FAM83G: variants seen among roughly 807,000 people sequenced by gnomAD.
FAM83G encodes scaffolding CK1 anchoring protein G.
A neutral mutation model predicts 61.5 loss-of-function variants in FAM83G; 38 were observed. The ratio of observed to expected loss-of-function variants is 0.62; its 90% CI spans 0.48 to 0.81. The LOEUF (loss-of-function observed/expected upper bound fraction) is 0.81. Among genes scored for constraint, FAM83G ranks in the 30% least tolerant of loss-of-function variants. The pLI is 0.00. For missense variants in FAM83G, 989 were observed against 1,133.6 expected, an observed-to-expected ratio of 0.87 and a Z score of 1.83; for synonymous variants, 470 against 476.1, an observed-to-expected ratio of 0.99 and a Z score of 0.17.
rs3751969 is a variant in FAM83G, at chr17:18,970,592, A to G, written c.*767T>C. The G allele has an allele frequency of 0.085, 19,009 of 222,588 alleles. 1,271 individuals are homozygous for G. Among genetic ancestry groups the G allele is most frequent in the South Asian group, 0.27 (3,732 of 14,074 alleles). 13.8% of individuals were successfully genotyped at this position (222,588 alleles called of 1,614,324 possible). A position where few individuals can be genotyped will look rare whatever the true frequency, so the allele number is the denominator to read the frequency against. ...CAGCTCTGCTAAAATCACACCCTTC[A>G]GGTGATCAGGATGAACACTTTAGAA... is the stretch of plus-strand genomic sequence containing the variant. On this transcript the variant is annotated 3_prime_UTR_variant, in exon 6 of 6. Coordinates refer to ENST00000388995, the MANE Select transcript of FAM83G (RefSeq NM_001039999.3).
rs754528010 is a variant in FAM83G, at chr17:18,969,125, C to T, written c.*2234G>A. 2.0e-5 allele frequency: 32 copies of T among 1,613,998 alleles called. No homozygotes were observed. Among genetic ancestry groups the T allele is most frequent in the Middle Eastern group, 3.3e-4 (2 of 6,084 alleles). ...AACTTCTACCTCTCCACCATCCTCACGCTCGGCATCACAGCCCTGTACACC... is the reference window on the plus strand; with the variant it reads ...AACTTCTACCTCTCCACCATCCTCATGCTCGGCATCACAGCCCTGTACACC... On this transcript the variant is annotated 3_prime_UTR_variant, in exon 6 of 6. Transcript: ENST00000388995.
In FAM83G at chr17:18,971,359, C is replaced by T. The variant is rs2042841575; in HGVS notation, c.2472G>A (p.Ter824=). 6.4e-7 allele frequency: 1 copy of T among 1,571,342 alleles called. No homozygotes were observed. Among genetic ancestry groups the T allele is most frequent in the South Asian group, 1.1e-5 (1 of 89,168 alleles). The change falls in exon 6 of 6, where the codon TAG becomes TAA. Residue 824 remains the stop codon, a stop_retained_variant. Transcript: ENST00000388995. The surrounding 1 kb of genome is among the most constrained non-coding windows in gnomAD (Gnocchi z 5.5). The stretch of plus-strand genomic sequence containing the variant: ...TGTGGCTCCAGGCTGGGACATGCTG[C>T]TAGGGGTCTTTGCGGTCCCGGGGGG... ...AQAPRDRKDP[*]
intron 3 of FAM83G, among the ~76,000 whole-genome samples, chr17:18,981,704 T>G (rs1021802252): frequency 3.3e-5 from 5 of 152,044 alleles, no homozygotes; most frequent in Non-Finnish European, 7.4e-5. Flanking sequence ...GGATAAACCA[T>G]AGCCTTTTCA....
At chr17:18,992,440 C>T (rs1393993104) in intron 2 of FAM83G, among the ~76,000 whole-genome samples, 8 of 152,234 alleles carry the variant, frequency 5.3e-5, no homozygotes, top group African/African-American at 1.9e-4. Flanking sequence ...GTGACAGCAT[C>T]TCACACAAAG....
intron 3 of FAM83G, chr17:18,986,043 A>G (rs973623998): frequency 3.9e-5 from 6 of 152,248 alleles, no homozygotes; most frequent in African/African-American, 9.7e-5. Context: ...GCCATGGGGC[A>G]CTCGAGGCCC....
At chr17:18,973,188 C>T (rs528041247) in intron 5 of FAM83G, among the ~76,000 whole-genome samples, 3 of 152,226 alleles carry the variant, frequency 2.0e-5, no homozygotes, top group Non-Finnish European at 2.9e-5. Flanking sequence ...CCTTTACACC[C>T]GCCACCTCCC....
At chr17:18,984,079 A>C (rs902764099) in intron 3 of FAM83G, among the ~76,000 whole-genome samples, 2 of 152,126 alleles carry the variant, frequency 1.3e-5, no homozygotes, top group East Asian at 1.9e-4. Context: ...GCGGTGGCTC[A>C]CGCCTGTAAT....
At chr17:18,985,162 C>G (rs886879413) in intron 3 of FAM83G, among the ~76,000 whole-genome samples, 4 of 152,246 alleles carry the variant, frequency 2.6e-5, no homozygotes, top group African/African-American at 4.8e-5. Flanking sequence ...GGGGCTGTGC[C>G]TGTCCCTAGC....
At position 18,969,481 on chromosome 17, in the gene FAM83G, T is replaced by C. The variant is rs1311028536; in HGVS notation, c.*1878A>G. On this transcript the variant is annotated 3_prime_UTR_variant, in exon 6 of 6. Transcript: ENST00000388995. Reference sequence around the variant, plus strand: ...TCCCCACAGCGAGCCCTTTGGAGTCTGGCACTGCCCGGCACTGTGCAGGAT... The same window carrying C: ...TCCCCACAGCGAGCCCTTTGGAGTCCGGCACTGCCCGGCACTGTGCAGGAT... 1 of 1,495,828 alleles carries C rather than the reference T, an allele frequency of 6.7e-7. No homozygotes were observed. Among genetic ancestry groups the C allele is most frequent in the African/African-American group, 1.4e-5 (1 of 72,186 alleles). 92.7% of individuals were successfully genotyped at this position (1,495,828 alleles called of 1,614,324 possible).
At position 18,968,956 on chromosome 17, in the gene FAM83G, C is replaced by T. The variant is rs910844814; in HGVS notation, c.*2403G>A. On this transcript the variant is annotated 3_prime_UTR_variant, in exon 6 of 6. Coordinates refer to ENST00000388995, the MANE Select transcript of FAM83G (RefSeq NM_001039999.3). The surrounding 1 kb of genome is among the most constrained non-coding windows in gnomAD (Gnocchi z 4.1). Reference sequence around the variant, plus strand: ...TCTCCCCTCCTTATCCACAGGCCACCGAGGCCCAGAGAGGGCCTTGCCCGA... The same window carrying T: ...TCTCCCCTCCTTATCCACAGGCCACTGAGGCCCAGAGAGGGCCTTGCCCGA... The T allele has an allele frequency of 3.0e-5, 36 of 1,205,708 alleles. No individual in the cohort carries two copies. The highest frequency in any genetic ancestry group is 2.1e-4 in the Middle Eastern group (1 of 4,660). 74.7% of individuals were successfully genotyped at this position (1,205,708 alleles called of 1,614,324 possible).
At position 18,969,589 on chromosome 17, in the gene FAM83G, T is replaced by G; in HGVS notation, c.*1770A>C. On this transcript the variant is annotated 3_prime_UTR_variant, in exon 6 of 6. Coordinates refer to ENST00000388995, the MANE Select transcript of FAM83G (RefSeq NM_001039999.3). ...GCCACTAGGCAGTCAGCCCCCCTGCTGGCCCCTCAGGGACTGCCCTGGCTG... is the reference window on the plus strand; with the variant it reads ...GCCACTAGGCAGTCAGCCCCCCTGCGGGCCCCTCAGGGACTGCCCTGGCTG... 3.3e-6 allele frequency: 2 copies of G among 611,984 alleles called. No individual in the cohort carries two copies. The highest frequency in any genetic ancestry group is 2.3e-5 in the South Asian group (1 of 44,330). 37.9% of individuals were successfully genotyped at this position (611,984 alleles called of 1,614,324 possible).
At chr17:18,991,912 CCAGGGTGTGGGAGGATGGCCCAAGATGG>C (rs1165544034) in intron 2 of FAM83G, among the ~76,000 whole-genome samples, 4 of 152,124 alleles carry the variant, frequency 2.6e-5, no homozygotes, top group Non-Finnish European at 5.9e-5. Flanking sequence ...CTGACTCCTG[CCAGGGTGTGGGAGGATGGCCCAAGATGG>C]CAGGGTGTGG....
Position 18,978,566 on chromosome 17 carries a change from T to G in FAM83G, c.1100A>C (p.Lys367Thr), listed in dbSNP as rs1597850347. Residue 367 changes from lysine (K) to threonine (T), a missense_variant, in exon 5 of 6, where the codon AAG (lysine) becomes ACG (threonine). Lys to Thr is a moderately conservative substitution (Grantham distance 78, BLOSUM62 -1). Around this residue, in one of 3 missense-constraint regions of FAM83G, gnomAD observed 574 missense variants for 645.1 expected, o/e 0.89. Coordinates refer to ENST00000388995, the MANE Select transcript of FAM83G (RefSeq NM_001039999.3). ...VDEIAKISSE[K>T]QEAKKPLGLK... ...CCCCAGGGGCTTCTTGGCCTCCTGC[T>G]TCTCAGAGGAGATCTTGGCAATCTC... 6.2e-7 allele frequency: 1 copy of G among 1,613,276 alleles called. No homozygotes were observed. Among genetic ancestry groups the G allele is most frequent in the African/African-American group, 1.3e-5 (1 of 75,016 alleles).
At chr17:18,999,949 G>C (rs1347031323) in intron 2 of FAM83G, among the ~76,000 whole-genome samples, 3 of 152,222 alleles carry the variant, frequency 2.0e-5, no homozygotes, top group South Asian at 2.1e-4. Flanking sequence ...TCCTGTTGAG[G>C]GGGGCTCAGC....
chr17:18,984,798 T>G (rs997809627), intron 3 of FAM83G, among the ~76,000 whole-genome samples: 2 of 151,988 alleles, frequency 1.3e-5, no homozygotes, highest in African/African-American at 2.4e-5. Context: ...CCCTAGAGGG[T>G]GTCAGTGAAA....
In FAM83G at chr17:18,992,782, C is replaced by T. The variant is rs1367297363; in HGVS notation, c.523-4368G>A. Among the ~76,000 whole-genome samples, 4 of 152,206 alleles carry T rather than the reference C, an allele frequency of 2.6e-5. No individual in the cohort carries two copies. The East Asian group carries it at 5.8e-4, about 22-fold the overall frequency. ...TGATGTCCCTGCCGAGGGACCCCAA[C>T]TCCTGTTCCCTGCCTGGTGCCGGGC... is the stretch of plus-strand genomic sequence containing the variant. On this transcript the variant is annotated intron_variant, in intron 2 of 5. Transcript: ENST00000388995.
chr17:18,986,942 G>A (rs1419103609), intron 3 of FAM83G, among the ~76,000 whole-genome samples: 1 of 152,220 alleles, frequency 6.6e-6, no homozygotes, highest in African/African-American at 2.4e-5. Flanking sequence ...ATTACGCGGC[G>A]GGGAGTGAGG....
chr17:19,001,755 G>A (rs182554935), intron 2 of FAM83G, among the ~76,000 whole-genome samples: 1 of 152,338 alleles, frequency 6.6e-6, no homozygotes, highest in Admixed American at 6.5e-5. Context: ...GGGGTCAGCA[G>A]GTGAAGTCCT....
chr17:18,978,169 C>A lies in FAM83G; in HGVS notation c.1497G>T (p.Glu499Asp). 1 of 1,537,688 alleles carries A rather than the reference C, an allele frequency of 6.5e-7. No individual in the cohort carries two copies. The stretch of plus-strand genomic sequence containing the variant: ...GGGGCTTGGGCACGGGGGGCAATGG[C>A]TCAGGGTCCCCCTGGGGGAGGCCGT... The part of the protein sequence containing the change: ...AENGLPQGDP[E>D]PLPPVPKPRT... The change falls in exon 5 of 6, where the codon GAG (glutamate) becomes GAT (aspartate). Residue 499 changes from glutamate (E) to aspartate (D), a missense_variant. By Grantham distance (45) the Glu-to-Asp change is conservative. Transcript: ENST00000388995.
Sources: gnomAD v4.1 joint callset for allele counts (sites outside exome capture counted in the v4.1 genomes callset) on GRCh38, gnomAD v4.1.1 for gene constraint, gnomAD v4.1.1 regional missense constraint, Gnocchi (gnomAD v3.1) non-coding constraint, MANE v1.5 for transcripts, NCBI Gene and HGNC (gene_info 2026-07-23, HGNC 2026-07-21) for gene names.